The following ANO4 variants were observed in gnomAD, a reference collection of about 807,000 sequenced individuals.
The protein encoded by ANO4 is anoctamin-4.
A neutral mutation model predicts 141.9 loss-of-function variants in ANO4; 69 were observed. The observed-to-expected ratio is 0.49, with a 90% CI of 0.40 to 0.59. ANO4 has a LOEUF of 0.59. Among genes scored for constraint, ANO4 ranks in the 20% least tolerant of loss-of-function variants. The pLI, the probability that ANO4 is intolerant of heterozygous loss-of-function variation, is 0.00. For missense variants in ANO4, 894 were observed against 1,162.2 expected, an observed-to-expected ratio of 0.77 and a Z score of 3.36; for synonymous variants, 350 against 394.3, an observed-to-expected ratio of 0.89 and a Z score of 1.33.
chr12:100,724,621 C>G (rs1452942354), intron 1 of ANO4, among the ~76,000 whole-genome samples: 1 of 152,182 alleles, frequency 6.6e-6, no homozygotes, highest in East Asian at 1.9e-4. Context: ...TGGAAACACA[C>G]TTTATATCCT....
rs189414222 is a variant in ANO4 at position 101,104,894 on chromosome 12, T to G, written c.2149+5174T>G. On this transcript the variant is annotated intron_variant, in intron 22 of 27. Coordinates refer to ENST00000392977, the MANE Select transcript of ANO4 (RefSeq NM_001286615.2). ...CCCAAGTATGATTGTGGATTTGTCTTATTCTATTTTTAGTTCAGTCAACTT... is the reference window on the plus strand; with the variant it reads ...CCCAAGTATGATTGTGGATTTGTCTGATTCTATTTTTAGTTCAGTCAACTT... 2.5e-3 allele frequency among the ~76,000 whole-genome samples: 375 copies of G among 152,096 alleles called. 1 individual carries two copies. The highest frequency in any genetic ancestry group is 6.8e-3 in the Middle Eastern group (2 of 292).
chr12:100,834,831 A>G (rs1214647401), intron 1 of ANO4, among the ~76,000 whole-genome samples: 4 of 152,144 alleles, frequency 2.6e-5, no homozygotes, highest in Non-Finnish European at 4.4e-5. Context: ...GGATGTGAGG[A>G]AGCTAGCAAT....
At chr12:101,037,223 A>T in intron 10 of ANO4, 73 bp downstream of exon 10, 3 of 1,479,098 alleles carry the variant, frequency 2.0e-6, no homozygotes, top group East Asian at 4.6e-5. Flanking sequence ...GAGATAGTCA[A>T]TAATTGAATT....
intron 8 of ANO4, among the ~76,000 whole-genome samples, chr12:100,995,992 G>C (rs193060242): frequency 1.3e-5 from 2 of 152,154 alleles, no homozygotes; most frequent in Non-Finnish European, 2.9e-5. Context: ...TGAAAAATGC[G>C]GTCAACCACA....
At chr12:101,100,018 A>G (rs1189425750) in intron 22 of ANO4, among the ~76,000 whole-genome samples, 4 of 152,192 alleles carry the variant, frequency 2.6e-5, no homozygotes, top group African/African-American at 4.8e-5. Context: ...ACTTTGGGCA[A>G]TTACTTAATC....
At chr12:101,123,167 C>T (rs986176028) in intron 26 of ANO4, among the ~76,000 whole-genome samples, 2 of 152,168 alleles carry the variant, frequency 1.3e-5, no homozygotes, top group African/African-American at 4.8e-5. Flanking sequence ...CTTTTTCCTT[C>T]AGTCCAGGGA....
intron 17 of ANO4, among the ~76,000 whole-genome samples, chr12:101,092,833 C>T (rs1167049170): frequency 6.6e-6 from 1 of 152,114 alleles, no homozygotes; most frequent in Non-Finnish European, 1.5e-5. Context: ...GTGACCTACA[C>T]ATCATTGTGA....
chr12:100,914,036 A>G (rs1031402932), intron 2 of ANO4, among the ~76,000 whole-genome samples: 1 of 152,238 alleles, frequency 6.6e-6, no homozygotes, highest in Admixed American at 6.5e-5. Context: ...AGCCCTCGTC[A>G]TCACAACAGA....
chr12:101,020,156 G>T lies in ANO4; in HGVS notation c.841+16G>T. 6.6e-7 allele frequency: 1 copy of T among 1,525,360 alleles called. No individual in the cohort carries two copies. The highest frequency in any genetic ancestry group is 9.1e-7 in the Non-Finnish European group (1 of 1,103,788). 94.5% of individuals were successfully genotyped at this position (1,525,360 alleles called of 1,614,324 possible). On this transcript the variant is annotated intron_variant, in intron 9 of 27. Coordinates refer to ENST00000392977, the MANE Select transcript of ANO4 (RefSeq NM_001286615.2). ...AACAAGATTGGTAAGTAGTATGTTA[G>T]TATAACAAACTACATTTGGCATTTG...
intron 1 of ANO4, among the ~76,000 whole-genome samples, chr12:100,816,518 A>G (rs1324133156): frequency 1.3e-5 from 2 of 152,026 alleles, no homozygotes; most frequent in South Asian, 4.1e-4. Flanking sequence ...TTAGGAGGCA[A>G]TGGGAATAAT....
intron 24 of ANO4, among the ~76,000 whole-genome samples, chr12:101,113,889 T>C (rs1200685149): frequency 6.6e-6 from 1 of 152,238 alleles, no homozygotes; most frequent in African/African-American, 2.4e-5. Flanking sequence ...CTAATCCAAA[T>C]GGCACTACCC....
intron 14 of ANO4, chr12:101,067,014 A>AAAG: frequency 1.7e-6 from 1 of 580,332 alleles, no homozygotes; most frequent in Admixed American, 3.0e-5. Flanking sequence ...AAAAAAAAAA[A>AAAG]AAAGAAAGAA....
intron 3 of ANO4, among the ~76,000 whole-genome samples, chr12:100,771,136 A>G (rs997022017): frequency 1.3e-5 from 2 of 152,186 alleles, no homozygotes; most frequent in Non-Finnish European, 2.9e-5. Flanking sequence ...TTAAATTGGA[A>G]CTACCAATTT....
intron 7 of ANO4, among the ~76,000 whole-genome samples, chr12:100,983,374 A>G (rs1424018183): frequency 6.6e-6 from 1 of 152,200 alleles, no homozygotes; most frequent in Non-Finnish European, 1.5e-5. Flanking sequence ...ACACAAATGT[A>G]TTAGCTCACA....
intron 5 of ANO4, among the ~76,000 whole-genome samples, chr12:100,947,723 A>G (rs1426674133): frequency 1.3e-5 from 2 of 152,284 alleles, no homozygotes; most frequent in East Asian, 3.9e-4. Context: ...CACATTTATT[A>G]ATCACTTACT....
chr12:101,018,971 A>G (rs959111182), intron 8 of ANO4, among the ~76,000 whole-genome samples: 2 of 152,198 alleles, frequency 1.3e-5, no homozygotes, highest in Non-Finnish European at 2.9e-5. Flanking sequence ...AAAAATGACA[A>G]TATGGAATGA....
intron 8 of ANO4, among the ~76,000 whole-genome samples, chr12:100,988,018 A>G (rs978010278): frequency 6.6e-6 from 1 of 152,178 alleles, no homozygotes; most frequent in Non-Finnish European, 1.5e-5. Context: ...GCATCTAGCC[A>G]GCAGACAGGA....
chr12:101,095,692 C>T (rs182369885), intron 18 of ANO4, among the ~76,000 whole-genome samples: 23 of 152,264 alleles, frequency 1.5e-4, no homozygotes, highest in African/African-American at 5.3e-4. Flanking sequence ...AGAAATCAGA[C>T]ACTCAGGGAA....
chr12:100,863,908 G>C (rs756525805), intron 1 of ANO4, among the ~76,000 whole-genome samples: 4 of 152,186 alleles, frequency 2.6e-5, no homozygotes, highest in Non-Finnish European at 5.9e-5. Context: ...CTGATGGTAA[G>C]ATCTTTTATT....
Sources: allele counts gnomAD v4.1 joint callset (sites outside exome capture counted in the v4.1 genomes callset), GRCh38; gene constraint gnomAD v4.1.1; transcripts MANE v1.5; gene names NCBI Gene and HGNC (gene_info 2026-07-23, HGNC 2026-07-21).